Variants in TMIGD3 observed in about 807,000 individuals in gnomAD.
TMIGD3 encodes transmembrane and immunoglobulin domain containing 3.
Under a neutral mutation model 28.1 loss-of-function variants are expected in TMIGD3, and 21 were observed. The ratio of observed to expected loss-of-function variants is 0.75; its 90% CI spans 0.53 to 1.08. The LOEUF is 1.08. Among genes scored for constraint, TMIGD3 ranks in the 50% least tolerant of loss-of-function variants. The probability of loss-of-function intolerance (pLI) is 0.00; values close to 1 mark genes in which losing one functional copy is unlikely to be tolerated. For synonymous variants in TMIGD3, 151 were observed against 162.1 expected (o/e 0.93, Z 0.52); for missense variants, 416 against 435.6 (o/e 0.96, Z 0.40).
intron 1 of TMIGD3, among the ~76,000 whole-genome samples, chr1:111,549,599 G>C (rs1222846784): frequency 6.7e-6 from 1 of 148,306 alleles, no homozygotes; most frequent in Non-Finnish European, 1.5e-5. Context: ...GTGGTGAGCC[G>C]ATATCATGCC....
chr1:111,545,203 C>T (rs1438202672), intron 1 of TMIGD3, among the ~76,000 whole-genome samples: 2 of 152,136 alleles, frequency 1.3e-5, no homozygotes, highest in African/African-American at 4.8e-5. Context: ...AGCTACCAAA[C>T]TGTTTTCCAT....
At chr1:111,499,758 C>G in intron 1 of TMIGD3, 1 of 1,416,174 alleles carries the variant, frequency 7.1e-7, no homozygotes, top group Non-Finnish European at 9.2e-7. Flanking sequence ...AGAGAAAGGA[C>G]AAGGGAAAAA....
At chr1:111,484,622 C>T (rs571238632) in intron 5 of TMIGD3, among the ~76,000 whole-genome samples, 219 of 152,294 alleles carry the variant, frequency 1.4e-3, no homozygotes, top group Non-Finnish European at 2.7e-3. Flanking sequence ...CTATTCTGAC[C>T]ACAGGAACAA....
chr1:111,537,288 A>T (rs1656670040), intron 1 of TMIGD3, among the ~76,000 whole-genome samples: 1 of 152,308 alleles, frequency 6.6e-6, no homozygotes, highest in African/African-American at 2.4e-5. Flanking sequence ...GAGCTTTCTG[A>T]ACATAGGGAC....
At chr1:111,492,531 T>A (rs1031151153) in intron 1 of TMIGD3, among the ~76,000 whole-genome samples, 2 of 152,060 alleles carry the variant, frequency 1.3e-5, no homozygotes, top group African/African-American at 4.8e-5. Context: ...AAAAAGTGTC[T>A]CTAGCCAGGC....
At chr1:111,535,746 C>T (rs542104953) in intron 1 of TMIGD3, among the ~76,000 whole-genome samples, 34 of 152,322 alleles carry the variant, frequency 2.2e-4, no homozygotes, top group Admixed American at 7.2e-4. Context: ...CAGGATTTTA[C>T]TCTCCAGACT....
At chr1:111,505,073 G>C, upstream of TMIGD3, 1 of 964,486 alleles carries the variant, frequency 1.0e-6, no homozygotes, top group Non-Finnish European at 1.2e-6. Context: ...CTTTATCTGT[G>C]CTTCAGAGAA....
intron 1 of TMIGD3, among the ~76,000 whole-genome samples, chr1:111,516,444 C>T (rs1483219153): frequency 1.3e-5 from 2 of 152,192 alleles, no homozygotes; most frequent in East Asian, 1.9e-4. Flanking sequence ...GCCAAGACCC[C>T]TTCTTCTCCT....
chr1:111,518,028 G>C (rs569980429), intron 1 of TMIGD3, among the ~76,000 whole-genome samples: 1 of 152,160 alleles, frequency 6.6e-6, no homozygotes, highest in African/African-American at 2.4e-5. Flanking sequence ...AGTAGGCTGA[G>C]GTTCAGTGAC....
intron 1 of TMIGD3, among the ~76,000 whole-genome samples, chr1:111,517,351 G>A (rs1167199205): frequency 1.3e-5 from 2 of 150,162 alleles, no homozygotes; most frequent in East Asian, 1.9e-4. Flanking sequence ...AAAAAAAAGC[G>A]AGGACTGCTC....
intron 1 of TMIGD3, among the ~76,000 whole-genome samples, chr1:111,513,233 G>A (rs1245703807): frequency 6.6e-6 from 1 of 152,150 alleles, no homozygotes. Flanking sequence ...TAGAAGGCCT[G>A]GCGGATCACT....
intron 1 of TMIGD3, among the ~76,000 whole-genome samples, chr1:111,562,159 C>T (rs1219885343): frequency 6.6e-6 from 1 of 152,112 alleles, no homozygotes; most frequent in Non-Finnish European, 1.5e-5. Context: ...GCAACGTGGA[C>T]AAATCTTAGC....
chr1:111,537,749 A>C (rs539773923), intron 1 of TMIGD3, among the ~76,000 whole-genome samples: 2 of 152,386 alleles, frequency 1.3e-5, no homozygotes, highest in African/African-American at 4.8e-5. Flanking sequence ...CATCTCTGAA[A>C]GAGCAATCTT....
chr1:111,502,285 T>C (rs1655258455), intron 1 of TMIGD3, among the ~76,000 whole-genome samples: 1 of 100,590 alleles, frequency 9.9e-6, no homozygotes, highest in Non-Finnish European at 1.9e-5. Flanking sequence ...TTCATTATAA[T>C]AAATATATAG....
intron 1 of TMIGD3, chr1:111,499,516 T>C (rs1655049737): frequency 5.0e-6 from 5 of 997,868 alleles, no homozygotes; most frequent in African/African-American, 3.5e-5. Context: ...TTTTTTCTGT[T>C]CCCAACATCT....
chr1:111,519,945 G>A (rs898692296), intron 1 of TMIGD3, among the ~76,000 whole-genome samples: 11 of 152,000 alleles, frequency 7.2e-5, no homozygotes, highest in Admixed American at 2.0e-4. Context: ...CACCTGCCTC[G>A]GCCTCCCAAA....
At chr1:111,553,541 C>T (rs887004995) in intron 1 of TMIGD3, among the ~76,000 whole-genome samples, 6 of 152,180 alleles carry the variant, frequency 3.9e-5, no homozygotes, top group Non-Finnish European at 8.8e-5. Context: ...AACTTCTAGC[C>T]GGTATGCTGT....
intron 1 of TMIGD3, chr1:111,500,353 C>G (rs1305833517): frequency 6.2e-7 from 1 of 1,614,132 alleles, no homozygotes; most frequent in South Asian, 1.1e-5. Flanking sequence ...GATGAAAATC[C>G]AGGTGAGGAA....
Position 111,503,131 on chromosome 1 carries a change from C to A in TMIGD3, c.224G>T (p.Gly75Val). The A allele has an allele frequency of 6.2e-7, 1 of 1,614,154 alleles. No homozygotes were observed. Among genetic ancestry groups the A allele is most frequent in the South Asian group, 1.1e-5 (1 of 91,084 alleles). ...VMPLAIVVSLGITIHFYSCLF... is the reference protein window; with the variant it reads ...VMPLAIVVSLVITIHFYSCLF... ...GCAGCTGTAGAAGTGGATTGTGATG[C>A]CCAGGCTGACAACAATGGCCAAAGG... The change falls in exon 1 of 6, where the codon GGC (glycine) becomes GTC (valine). Residue 75 changes from glycine (G) to valine (V), a missense_variant. Gly to Val is a moderately radical substitution (Grantham distance 109). Coordinates refer to ENST00000369716, the MANE Select transcript of TMIGD3 (RefSeq NM_020683.7).
Sources: gnomAD v4.1 joint callset for allele counts (sites outside exome capture counted in the v4.1 genomes callset) on GRCh38, gnomAD v4.1.1 for gene constraint, MANE v1.5 for transcripts, NCBI Gene and HGNC (gene_info 2026-07-23, HGNC 2026-07-21) for gene names.